OAS3: variants seen among roughly 807,000 people sequenced by gnomAD.
The protein encoded by OAS3 is 2'-5'-oligoadenylate synthetase 3.
In OAS3, 107 loss-of-function variants were observed where a neutral mutation model predicts 113.0. The observed-to-expected ratio is 0.95, with a 90% CI of 0.81 to 1.11. The LOEUF (loss-of-function observed/expected upper bound fraction) is 1.11. OAS3 is among the 50% of genes most tolerant of loss of function. The pLI is 0.00. For missense variants in OAS3, 1,258 were observed against 1,389.1 expected, an observed-to-expected ratio of 0.91 and a Z score of 1.50; for synonymous variants, 552 against 573.6, an observed-to-expected ratio of 0.96 and a Z score of 0.54.
At chr12:112,968,287 TC>T in intron 14 of OAS3, 113 bp downstream of exon 14, 2 of 1,351,872 alleles carry the variant, frequency 1.5e-6, no homozygotes, top group Non-Finnish European at 2.0e-6. Flanking sequence ...ACGGATTCCT[TC>T]CTAGAAGTTA....
At chr12:112,955,377 A>C (rs1385784242) in intron 7 of OAS3, among the ~76,000 whole-genome samples, 1 of 152,210 alleles carries the variant, frequency 6.6e-6, no homozygotes, top group African/African-American at 2.4e-5. Flanking sequence ...GAGTGGTGAG[A>C]GAGGGCATCC....
intron 7 of OAS3, among the ~76,000 whole-genome samples, chr12:112,957,557 C>T (rs1482582031): frequency 6.6e-6 from 1 of 152,158 alleles, no homozygotes; most frequent in Non-Finnish European, 1.5e-5. Context: ...TCAGCATTTG[C>T]TTGTCTGTAA....
chr12:112,951,066 T>C (rs2043787521), intron 7 of OAS3, 91 bp downstream of exon 7: 1 of 1,330,718 alleles, frequency 7.5e-7, no homozygotes, highest in Non-Finnish European at 1.0e-6. Context: ...GTGATCCTAA[T>C]TCTCCTACTT....
Position 112,967,487 on chromosome 12 carries a change from C to A in OAS3, c.2759C>A (p.Ala920Glu). ...YVDLIHSYSN[A>E]GEYSTCFTEL... ...GACCTCATCCACAGCTACAGCAATGCGGGCGAGTACTCCACCTGCTTCACA... is the reference window on the plus strand; with the variant it reads ...GACCTCATCCACAGCTACAGCAATGAGGGCGAGTACTCCACCTGCTTCACA... Residue 920 changes from alanine to glutamate, a missense_variant, in exon 13 of 16, where the codon GCG becomes GAG. Transcript: ENST00000228928. 6.2e-7 allele frequency: 1 copy of A among 1,613,580 alleles called. No individual in the cohort carries two copies. The highest frequency in any genetic ancestry group is 8.5e-7 in the Non-Finnish European group (1 of 1,179,716).
chr12:112,954,847 A>G lies in OAS3; in HGVS notation c.1657+3872A>G, dbSNP rs1431828451. Among the ~76,000 whole-genome samples, 1 of 152,148 alleles carries G rather than the reference A, an allele frequency of 6.6e-6. No homozygotes were observed. The highest frequency in any genetic ancestry group is 2.4e-5 in the African/African-American group (1 of 41,432). On this transcript the variant is annotated intron_variant, in intron 7 of 15. Coordinates refer to ENST00000228928, the MANE Select transcript of OAS3 (RefSeq NM_006187.4). This position sits in a 1 kb window ranked among gnomAD's most constrained non-coding sequence, Gnocchi z 4.0. The stretch of plus-strand genomic sequence containing the variant: ...ATGAACTTTAAAGTAGTTTTTTCCA[A>G]TTCTGTGAAGAAAGTCATTGGTAGC...
chr12:112,939,552 C>A (rs74525842), intron 1 of OAS3, among the ~76,000 whole-genome samples: 2 of 152,152 alleles, frequency 1.3e-5, no homozygotes, highest in African/African-American at 4.8e-5. Flanking sequence ...AACTCCTGGG[C>A]TCAAGTGATC....
chr12:112,969,167 C>A (rs999482707), intron 14 of OAS3, among the ~76,000 whole-genome samples: 1 of 152,122 alleles, frequency 6.6e-6, no homozygotes, highest in Admixed American at 6.5e-5. Context: ...CTTATTGGAG[C>A]ATTTTGGATT....
In OAS3 at chr12:112,963,490, C is replaced by T. The variant is rs2043907540; in HGVS notation, c.2229+33C>T. 7 of 1,461,388 alleles carry T rather than the reference C, an allele frequency of 4.8e-6. No homozygotes were observed. The highest frequency in any genetic ancestry group is 2.7e-5 in the South Asian group (2 of 72,780). 90.5% of individuals were successfully genotyped at this position (1,461,388 alleles called of 1,614,324 possible). A position where few individuals can be genotyped will look rare whatever the true frequency, so the allele number is the denominator to read the frequency against. On this transcript the variant is annotated intron_variant, in intron 10 of 15. Transcript: ENST00000228928. This position sits in a 1 kb window ranked among gnomAD's most constrained non-coding sequence, Gnocchi z 4.6. ...GGAGGGTCCTGGGGGGCAGGGGGCC[C>T]TGCACCCTGCCTTCTAGTCAGGTTC...
intron 7 of OAS3, among the ~76,000 whole-genome samples, chr12:112,951,790 A>G (rs1286686593): frequency 1.4e-5 from 2 of 146,248 alleles, no homozygotes; most frequent in Non-Finnish European, 3.0e-5. Context: ...TGAGGTCAGG[A>G]GTTCGAGACC....
intron 7 of OAS3, among the ~76,000 whole-genome samples, chr12:112,958,197 A>G (rs1224804441): frequency 1.3e-5 from 2 of 152,182 alleles, no homozygotes; most frequent in Admixed American, 6.5e-5. Flanking sequence ...CAGGTCATTT[A>G]AGGTCTTTTC....
At chr12:112,956,712 T>C (rs540017238) in intron 7 of OAS3, among the ~76,000 whole-genome samples, 1 of 152,242 alleles carries the variant, frequency 6.6e-6, no homozygotes, top group Non-Finnish European at 1.5e-5. Flanking sequence ...CAGCTTGTTA[T>C]AATTTCTGTT....
At chr12:112,958,531 T>G (rs561845660) in intron 7 of OAS3, among the ~76,000 whole-genome samples, 24 of 152,364 alleles carry the variant, frequency 1.6e-4, no homozygotes, top group Non-Finnish European at 3.2e-4. Flanking sequence ...TTGGTGTGGA[T>G]GTCCTTTCTG....
intron 6 of OAS3, 126 bp from the exon 7 acceptor site, chr12:112,950,567 G>A: frequency 1.8e-6 from 2 of 1,120,566 alleles, no homozygotes; most frequent in Non-Finnish European, 2.6e-6. Flanking sequence ...CTTTGTCATA[G>A]TCCCCAGACC....
intron 7 of OAS3, 55 bp downstream of exon 7, chr12:112,951,030 T>C (rs2043787108): frequency 1.3e-6 from 2 of 1,539,540 alleles, no homozygotes; most frequent in African/African-American, 1.4e-5. Flanking sequence ...GGCGCCCATC[T>C]AACAGGGGCA....
chr12:112,967,136 G>A (rs1327445451), intron 12 of OAS3, among the ~76,000 whole-genome samples: 2 of 152,206 alleles, frequency 1.3e-5, no homozygotes, highest in Non-Finnish European at 2.9e-5. Flanking sequence ...GTATTAGAGA[G>A]GTGTTAAAGA....
Position 112,963,339 on chromosome 12 carries a change from C to A in OAS3, c.2111C>A (p.Pro704His). The change falls in exon 10 of 16, where the codon CCC (proline) becomes CAC (histidine). Residue 704 changes from proline (P) to histidine (H), a missense_variant. Physicochemically the swap from Pro to His is moderately conservative, Grantham distance 77 (BLOSUM62 -2). Coordinates refer to ENST00000228928, the MANE Select transcript of OAS3 (RefSeq NM_006187.4). This position sits in a 1 kb window ranked among gnomAD's most constrained non-coding sequence, Gnocchi z 4.6. Reference protein sequence around the residue: ...PRPLVLDPADPTWNVGHGSWE... With the variant: ...PRPLVLDPADHTWNVGHGSWE... ...CCCCTGGTCCTGGACCCCGCTGATC[C>A]CACCTGGAACGTGGGCCACGGTAGC... The A allele has an allele frequency of 6.4e-7, 1 of 1,573,094 alleles. No individual in the cohort carries two copies. Among genetic ancestry groups the A allele is most frequent in the Non-Finnish European group, 8.6e-7 (1 of 1,158,614 alleles).
chr12:112,948,820 C>T, intron 5 of OAS3, 41 bp from the exon 6 acceptor site: 1 of 1,472,122 alleles, frequency 6.8e-7, no homozygotes, highest in Non-Finnish European at 9.2e-7. Flanking sequence ...ATGCAGAAAC[C>T]ACTGCGCCTG....
rs1018795406 is a variant in OAS3 at position 112,963,172 on chromosome 12, G to A, written c.2085-141G>A. 3.7e-5 allele frequency: 40 copies of A among 1,093,556 alleles called. No homozygotes were observed. Among genetic ancestry groups the A allele is most frequent in the African/African-American group, 1.4e-4 (9 of 63,028 alleles). 67.7% of individuals were successfully genotyped at this position (1,093,556 alleles called of 1,614,324 possible). A position where few individuals can be genotyped will look rare whatever the true frequency, so the allele number is the denominator to read the frequency against. ...CCAACCAAGGCAGCCAATTGAGATC[G>A]CTTCTGCACTTGGGCAAGACTGAGC... On this transcript the variant is annotated intron_variant, in intron 9 of 15. Coordinates refer to ENST00000228928, the MANE Select transcript of OAS3 (RefSeq NM_006187.4). This position sits in a 1 kb window ranked among gnomAD's most constrained non-coding sequence, Gnocchi z 4.6.
Position 112,963,495 on chromosome 12 carries a change from C to T in OAS3, c.2229+38C>T, listed in dbSNP as rs980894675. On this transcript the variant is annotated intron_variant, in intron 10 of 15. Transcript: ENST00000228928. The surrounding 1 kb of genome is among the most constrained non-coding windows in gnomAD (Gnocchi z 4.6). Reference sequence around the variant, plus strand: ...GTCCTGGGGGGCAGGGGGCCCTGCACCCTGCCTTCTAGTCAGGTTCCCTTA... The same window carrying T: ...GTCCTGGGGGGCAGGGGGCCCTGCATCCTGCCTTCTAGTCAGGTTCCCTTA... 22 of 1,451,814 alleles carry T rather than the reference C, an allele frequency of 1.5e-5. No individual in the cohort carries two copies. Among genetic ancestry groups the T allele is most frequent in the Admixed American group, 2.6e-5 (1 of 38,080 alleles). The allele number at this position is 1,451,814 out of a possible 1,614,324, so 89.9% of individuals were successfully genotyped here.
Sources: gnomAD v4.1 joint callset for allele counts (sites outside exome capture counted in the v4.1 genomes callset) on GRCh38, gnomAD v4.1.1 for gene constraint, Gnocchi (gnomAD v3.1) non-coding constraint, MANE v1.5 for transcripts, NCBI Gene and HGNC (gene_info 2026-07-23, HGNC 2026-07-21) for gene names.